The following HK2 variants were observed in gnomAD, a reference collection of about 807,000 sequenced individuals.
HK2 encodes the protein hexokinase 2, also known as hexokinase-2.
HK2 carries 42 observed loss-of-function variants against 92.9 expected under a neutral mutation model. That is an observed-to-expected ratio of 0.45 (90% confidence interval 0.35 to 0.58). The LOEUF (loss-of-function observed/expected upper bound fraction) is 0.58, where lower values mean the gene tolerates loss of function less well. Ranked by LOEUF, HK2 falls within the 20% of genes least tolerant of loss-of-function variation. HK2 has a pLI of 0.00. For synonymous variants in HK2, 422 were observed against 468.0 expected (o/e 0.90, Z 1.27); for missense variants, 978 against 1,245.1 (o/e 0.79, Z 3.23).
intron 2 of HK2, among the ~76,000 whole-genome samples, chr2:74,863,428 C>T (rs981098640): frequency 5.3e-5 from 8 of 152,176 alleles, no homozygotes; most frequent in Middle Eastern, 3.2e-3. Context: ...TTTAATGACA[C>T]GGAGTATTGA....
Position 74,873,354 on chromosome 2 carries a change from G to A in HK2, c.574G>A (p.Ala192Thr). ...AGACGTTGTGGCTCTGATCCGGAAG[G>A]CCATCCAGAGGAGAGGGGTGAGTGG... ...GRDVVALIRK[A>T]IQRRGDFDID... Residue 192 changes from alanine to threonine, a missense_variant, in exon 5 of 18, where the codon GCC becomes ACC. This residue lies in a region of HK2 where 189 missense variants were observed against 289.5 expected (regional missense o/e 0.65). Coordinates refer to ENST00000290573, the MANE Select transcript of HK2 (RefSeq NM_000189.5). The A allele has an allele frequency of 6.2e-7, 1 of 1,613,762 alleles. No homozygotes were observed. The highest frequency in any genetic ancestry group is 8.5e-7 in the Non-Finnish European group (1 of 1,179,658).
intron 1 of HK2, among the ~76,000 whole-genome samples, chr2:74,837,771 G>A (rs1171202204): frequency 4.0e-5 from 6 of 150,818 alleles, no homozygotes; most frequent in Middle Eastern, 6.9e-3. Context: ...TGCCTCCCAG[G>A]TTCAAGCGAT....
At chr2:74,878,349 C>T (rs761446342) in intron 8 of HK2, among the ~76,000 whole-genome samples, 2 of 152,048 alleles carry the variant, frequency 1.3e-5, no homozygotes, top group Non-Finnish European at 2.9e-5. Flanking sequence ...GCACCAAGAA[C>T]AGGGCCTTGT....
intron 1 of HK2, among the ~76,000 whole-genome samples, chr2:74,850,888 A>G (rs1304983808): frequency 6.6e-6 from 1 of 151,094 alleles, no homozygotes; most frequent in Non-Finnish European, 1.5e-5. Context: ...AGCTGAGTGG[A>G]CACATCATCA....
intron 2 of HK2, among the ~76,000 whole-genome samples, chr2:74,857,743 A>C (rs61323138): frequency 0.028 from 4,194 of 152,344 alleles, 174 homozygotes; most frequent in African/African-American, 0.093. Flanking sequence ...GAGTTATGGA[A>C]TATGGCAGTG....
intron 3 of HK2, among the ~76,000 whole-genome samples, chr2:74,870,838 G>A (rs1200369910): frequency 3.9e-5 from 6 of 152,184 alleles, no homozygotes; most frequent in Non-Finnish European, 8.8e-5. Flanking sequence ...TGGTTTGGAG[G>A]TCGAAGGTTC....
chr2:74,850,099 A>G (rs1688530998), intron 1 of HK2, among the ~76,000 whole-genome samples: 1 of 152,248 alleles, frequency 6.6e-6, no homozygotes, highest in Admixed American at 6.5e-5. Flanking sequence ...GAAAAGTGAT[A>G]TGCAGTGTTG....
intron 3 of HK2, among the ~76,000 whole-genome samples, chr2:74,868,737 C>T (rs1329856988): frequency 6.6e-6 from 1 of 152,034 alleles, no homozygotes; most frequent in Non-Finnish European, 1.5e-5. Context: ...TGTTTAAGAA[C>T]CAAGTAAACT....
At chr2:74,868,989 A>G (rs1048778469) in intron 3 of HK2, among the ~76,000 whole-genome samples, 2 of 152,238 alleles carry the variant, frequency 1.3e-5, no homozygotes, top group Non-Finnish European at 2.9e-5. Context: ...AAAAAAATCC[A>G]TTTTAAACAT....
intron 5 of HK2, 24 bp from the exon 6 acceptor site, chr2:74,873,820 G>A: frequency 6.4e-7 from 1 of 1,564,236 alleles, no homozygotes; most frequent in Non-Finnish European, 8.8e-7. Context: ...ATGAAGGTCA[G>A]AGCCCTCCCA....
Position 74,839,453 on chromosome 2 carries a change from C to T in HK2, c.63+4810C>T, listed in dbSNP as rs1688252287. Among the ~76,000 whole-genome samples the T allele has an allele frequency of 2.0e-5, 3 of 152,138 alleles. No homozygotes were observed. In the South Asian group the frequency reaches 6.2e-4, roughly 32 times the overall value. ...TGACATTGACAGGTACAATTCACTC[C>T]ATTTGTTCAATATGTAACATCTTGG... On this transcript the variant is annotated intron_variant, in intron 1 of 17. Coordinates refer to ENST00000290573, the MANE Select transcript of HK2 (RefSeq NM_000189.5).
chr2:74,852,171 CTTGCCATTATTACAG>C (rs778357089), intron 1 of HK2, among the ~76,000 whole-genome samples: 7 of 152,230 alleles, frequency 4.6e-5, no homozygotes, highest in Non-Finnish European at 8.8e-5. Flanking sequence ...CACGTGAGGG[CTTGCCATTATTACAG>C]TTGCCCATGA....
At chr2:74,854,164 C>A in intron 1 of HK2, 129 bp from the exon 2 acceptor site, 1 of 900,358 alleles carries the variant, frequency 1.1e-6, no homozygotes, top group Non-Finnish European at 1.8e-6. Flanking sequence ...TACTAATGGT[C>A]TTTAATAATA....
intron 2 of HK2, among the ~76,000 whole-genome samples, chr2:74,858,500 A>C (rs1204708723): frequency 6.6e-6 from 1 of 152,146 alleles, no homozygotes; most frequent in East Asian, 1.9e-4. Context: ...CGGTTTTCTG[A>C]GAATTAAGGG....
At chr2:74,872,733 T>C (rs906357871) in intron 4 of HK2, among the ~76,000 whole-genome samples, 1 of 152,182 alleles carries the variant, frequency 6.6e-6, no homozygotes, top group Admixed American at 6.5e-5. Flanking sequence ...AGAAAGATAC[T>C]TGGAGAGTTA....
chr2:74,873,301 G>A lies in HK2; in HGVS notation c.521G>A (p.Gly174Glu). Residue 174 changes from glycine (G) to glutamate (E), a missense_variant, in exon 5 of 18, where the codon GGA becomes GAA. By Grantham distance (98) the Gly-to-Glu change is moderately conservative. This residue lies in a region of HK2 where 189 missense variants were observed against 289.5 expected (regional missense o/e 0.65). Transcript: ENST00000290573. ...DESFLVSWTK[G>E]FKSSGVEGRD... ...AGTTTCCTGGTCTCATGGACCAAGG[G>A]ATTCAAGTCCAGTGGAGTGGAAGGC... 1 of 1,613,952 alleles carries A rather than the reference G, an allele frequency of 6.2e-7. No individual in the cohort carries two copies. Among genetic ancestry groups the A allele is most frequent in the Non-Finnish European group, 8.5e-7 (1 of 1,179,802 alleles).
chr2:74,864,037 C>T (rs990262390), intron 2 of HK2, among the ~76,000 whole-genome samples: 9 of 152,194 alleles, frequency 5.9e-5, no homozygotes, highest in African/African-American at 2.2e-4. Context: ...TTGAAAGTCC[C>T]ATGTCATAGG....
intron 1 of HK2, among the ~76,000 whole-genome samples, chr2:74,841,161 T>G (rs1315658099): frequency 6.6e-6 from 1 of 152,180 alleles, no homozygotes; most frequent in Non-Finnish European, 1.5e-5. Context: ...GCCTATCTTT[T>G]TAAAATTCTT....
At chr2:74,838,215 CG>C (rs1186714297) in intron 1 of HK2, among the ~76,000 whole-genome samples, 2 of 152,096 alleles carry the variant, frequency 1.3e-5, no homozygotes, top group Non-Finnish European at 2.9e-5. Context: ...TTAGGTTTGT[CG>C]CTGCAGTTCC....
Sources: gnomAD v4.1 joint callset for allele counts (sites outside exome capture counted in the v4.1 genomes callset) on GRCh38, gnomAD v4.1.1 for gene constraint, gnomAD v4.1.1 regional missense constraint, MANE v1.5 for transcripts, NCBI Gene and HGNC (gene_info 2026-07-23, HGNC 2026-07-21) for gene names.